TSHZ2: variants seen among roughly 807,000 people sequenced by gnomAD.
The protein encoded by TSHZ2 is teashirt zinc finger homeobox 2, also known as teashirt homolog 2.
Under a neutral mutation model 74.4 loss-of-function variants are expected in TSHZ2, and 21 were observed. The ratio of observed to expected loss-of-function variants is 0.28; its 90% confidence interval spans 0.20 to 0.41. TSHZ2 has a LOEUF of 0.41. Ranked by LOEUF, TSHZ2 falls within the 10% of genes least tolerant of loss-of-function variation. The probability of loss-of-function intolerance (pLI) is 1.00; values close to 1 mark genes in which losing one functional copy is unlikely to be tolerated. For synonymous variants in TSHZ2, 540 were observed against 515.3 expected, an observed-to-expected ratio of 1.05 and a Z score of -0.65; for missense variants, 1,244 against 1,293.5, an observed-to-expected ratio of 0.96 and a Z score of 0.59.
chr20:53,314,364 C>G (rs1978913930), intron 2 of TSHZ2, among the ~76,000 whole-genome samples: 1 of 151,930 alleles, frequency 6.6e-6, no homozygotes, highest in Admixed American at 6.6e-5. Context: ...GACCCCAAAC[C>G]TAGCAGCTTC....
intron 2 of TSHZ2, among the ~76,000 whole-genome samples, chr20:53,284,967 G>A (rs767681798): frequency 3.9e-5 from 6 of 152,110 alleles, no homozygotes; most frequent in Non-Finnish European, 7.4e-5. Context: ...TAGACATCCC[G>A]GGTCTGTCAC....
chr20:53,101,808 G>C (rs1986226591), intron 1 of TSHZ2, among the ~76,000 whole-genome samples: 1 of 152,084 alleles, frequency 6.6e-6, no homozygotes, highest in Admixed American at 6.5e-5. Context: ...TTGGTGATGG[G>C]GTTAAAGTGA....
intron 2 of TSHZ2, chr20:53,421,705 T>TTTTTTTTTTTTTATG (rs1491278209): frequency 9.0e-6 from 1 of 110,970 alleles, no homozygotes; most frequent in African/African-American, 3.8e-5. Flanking sequence ...TTTTTTTTTT[T>TTTTTTTTTTTTTATG]GAGACGGAGC....
At chr20:53,479,952 TAC>T (rs1049456523) in intron 2 of TSHZ2, among the ~76,000 whole-genome samples, 56 of 152,160 alleles carry the variant, frequency 3.7e-4, no homozygotes, top group African/African-American at 1.2e-3. Context: ...TCAAAAATGG[TAC>T]AGACTGAGAG....
chr20:53,066,181 A>G (rs1474181204), intron 1 of TSHZ2, among the ~76,000 whole-genome samples: 1 of 152,080 alleles, frequency 6.6e-6, no homozygotes, highest in African/African-American at 2.4e-5. Flanking sequence ...TTTACAAGGC[A>G]TTGGAACAGA....
intron 2 of TSHZ2, among the ~76,000 whole-genome samples, chr20:53,335,930 A>C (rs556935926): frequency 4.6e-5 from 7 of 152,324 alleles, no homozygotes; most frequent in African/African-American, 1.7e-4. Context: ...AAGAATCCGC[A>C]ATTAACATGG....
chr20:53,425,130 G>A (rs548174286), intron 2 of TSHZ2, among the ~76,000 whole-genome samples: 6 of 152,132 alleles, frequency 3.9e-5, no homozygotes, highest in Non-Finnish European at 7.3e-5. Flanking sequence ...AAATCTTTGA[G>A]GAACCACCAC....
intron 2 of TSHZ2, among the ~76,000 whole-genome samples, chr20:53,342,247 T>A (rs1293330984): frequency 6.6e-6 from 1 of 150,976 alleles, no homozygotes; most frequent in African/African-American, 2.4e-5. Context: ...CCACAACACA[T>A]CTACTTTCCA....
At chr20:53,105,122 T>C (rs1241648919) in intron 1 of TSHZ2, among the ~76,000 whole-genome samples, 1 of 152,232 alleles carries the variant, frequency 6.6e-6, no homozygotes, top group East Asian at 1.9e-4. Context: ...AAGGAAGCCA[T>C]GCTTGAGAAC....
intron 1 of TSHZ2, among the ~76,000 whole-genome samples, chr20:53,064,681 G>C (rs574820552): frequency 7.2e-5 from 7 of 97,088 alleles, no homozygotes; most frequent in African/African-American, 4.3e-4. Flanking sequence ...AAAAGACGTA[G>C]ACAGAGAAAC....
At chr20:53,314,287 CA>C (rs5841941) in intron 2 of TSHZ2, among the ~76,000 whole-genome samples, 213 of 131,574 alleles carry the variant, frequency 1.6e-3, no homozygotes, top group Admixed American at 2.0e-3. Flanking sequence ...GACTCTGTCT[CA>C]AAAAAAAAAA....
At chr20:53,130,731 G>A (rs531959499) in intron 1 of TSHZ2, among the ~76,000 whole-genome samples, 123 of 152,328 alleles carry the variant, frequency 8.1e-4, no homozygotes, top group African/African-American at 2.8e-3. Context: ...GATCTCAGTC[G>A]CTGGATTCAG....
intron 2 of TSHZ2, among the ~76,000 whole-genome samples, chr20:53,362,365 T>C (rs1981098478): frequency 6.6e-6 from 1 of 151,882 alleles, no homozygotes; most frequent in Non-Finnish European, 1.5e-5. Context: ...TTTGTATTTT[T>C]GGTAGAGACG....
At chr20:53,232,903 A>AG (rs1989860842) in intron 1 of TSHZ2, among the ~76,000 whole-genome samples, 1 of 152,142 alleles carries the variant, frequency 6.6e-6, no homozygotes, top group South Asian at 2.1e-4. Context: ...TGCACCACTG[A>AG]GAAAAAAAAA....
intron 1 of TSHZ2, among the ~76,000 whole-genome samples, chr20:53,009,819 A>C (rs1305276037): frequency 6.6e-6 from 1 of 152,188 alleles, no homozygotes; most frequent in Non-Finnish European, 1.5e-5. Flanking sequence ...AAGATACTCA[A>C]TTATTTCCAT....
chr20:53,472,194 T>C (rs6097431), intron 2 of TSHZ2, among the ~76,000 whole-genome samples: 30,705 of 152,088 alleles, frequency 0.2, 3,284 homozygotes, highest in East Asian at 0.3. Flanking sequence ...TGGAAAGTTA[T>C]CAGAAGGACA....
At chr20:53,486,631 G>T (rs1280756389) in intron 2 of TSHZ2, among the ~76,000 whole-genome samples, 1 of 152,144 alleles carries the variant, frequency 6.6e-6, no homozygotes, top group Middle Eastern at 3.2e-3. Flanking sequence ...CGTGAGCCGT[G>T]ATGATGCCAC....
At chr20:53,465,027 G>T (rs1209860761) in intron 2 of TSHZ2, among the ~76,000 whole-genome samples, 1 of 152,254 alleles carries the variant, frequency 6.6e-6, no homozygotes, top group Admixed American at 6.5e-5. Context: ...GGCAACTTGG[G>T]TTCCCCATAA....
chr20:53,342,931 ATTTCT>A (rs1210110126), intron 2 of TSHZ2, among the ~76,000 whole-genome samples: 27 of 49,918 alleles, frequency 5.4e-4, no homozygotes, highest in East Asian at 1.5e-3. Context: ...AAGAACCCGT[ATTTCT>A]TTTCTTTTCT....
Sources: gnomAD v4.1 joint callset for allele counts (sites outside exome capture counted in the v4.1 genomes callset) on GRCh38, gnomAD v4.1.1 for gene constraint, MANE v1.5 for transcripts, NCBI Gene and HGNC (gene_info 2026-07-23, HGNC 2026-07-21) for gene names.